Variants in XRN1 observed in about 807,000 individuals in gnomAD.
The protein encoded by XRN1 is 5'-3' exoribonuclease 1.
In XRN1, 67 loss-of-function variants were observed where a neutral mutation model predicts 222.3. That is an observed-to-expected ratio of 0.30 (90% CI 0.25 to 0.37). The LOEUF is 0.37. Ranked by LOEUF, XRN1 falls within the 10% of genes least tolerant of loss-of-function variation. XRN1 has a pLI of 1.00. For synonymous variants in XRN1, 643 were observed against 652.4 expected, an observed-to-expected ratio of 0.99 and a Z score of 0.22; for missense variants, 1,707 against 2,000.2, an observed-to-expected ratio of 0.85 and a Z score of 2.80.
rs1361806360 is a variant in XRN1, at chr3:142,310,001, A to G, written c.*1510T>C. The G allele has an allele frequency of 6.6e-6, 1 of 152,654 alleles. No individual in the cohort carries two copies. The highest frequency in any genetic ancestry group is 1.5e-5 in the Non-Finnish European group (1 of 68,038). 9.5% of individuals were successfully genotyped at this position (152,654 alleles called of 1,614,324 possible). ...TCTGAACTTATGAAAATAACAGAAA[A>G]TAAAATCATGGAAACTTATACGACT... On this transcript the variant is annotated 3_prime_UTR_variant, in exon 41 of 41. Coordinates refer to ENST00000392981, the MANE Select transcript of XRN1 (RefSeq NM_001282857.2).
At position 142,371,252 on chromosome 3, in the gene XRN1, C is replaced by T. The variant is rs1331157991; in HGVS notation, c.3055G>A (p.Glu1019Lys). The stretch of plus-strand genomic sequence containing the variant: ...AATCTTGCTTACCCATTCTCATTTT[C>T]TCCAGGCCAAATGTCATCTTCATAG... Reference protein sequence around the residue: ...VFYEDDIWPGENENGAEKVQE... With the variant: ...VFYEDDIWPGKNENGAEKVQE... The change falls in exon 26 of 41, where the codon GAA (glutamate) becomes AAA (lysine). Residue 1019 changes from glutamate to lysine, a missense_variant. Coordinates refer to ENST00000392981, the MANE Select transcript of XRN1 (RefSeq NM_001282857.2). 3.7e-6 allele frequency: 6 copies of T among 1,612,880 alleles called. No homozygotes were observed. Among genetic ancestry groups the T allele is most frequent in the South Asian group, 1.1e-5 (1 of 90,896 alleles).
At position 142,384,644 on chromosome 3, in the gene XRN1, G is replaced by A; in HGVS notation, c.2381C>T (p.Ala794Val). The change falls in exon 21 of 41, where the codon GCA becomes GTA. Residue 794 changes from alanine (A) to valine (V), a missense_variant. Around this residue, in one of 2 missense-constraint regions of XRN1, gnomAD observed 1,234 missense variants for 1,518.2 expected, o/e 0.81. Transcript: ENST00000392981. Reference protein sequence around the residue: ...RKGIIINETSAVVYAQLLTGR... With the variant: ...RKGIIINETSVVVYAQLLTGR... Reference sequence around the variant, plus strand: ...TGTGAGTAACTGAGCATACACAACTGCAGATGTTTCATTTATTATTATTCC... The same window carrying A: ...TGTGAGTAACTGAGCATACACAACTACAGATGTTTCATTTATTATTATTCC... 6.2e-7 allele frequency: 1 copy of A among 1,602,362 alleles called. No homozygotes were observed. Among genetic ancestry groups the A allele is most frequent in the South Asian group, 1.1e-5 (1 of 88,260 alleles).
intron 22 of XRN1, among the ~76,000 whole-genome samples, chr3:142,382,170 T>C (rs536215117): frequency 3.2e-4 from 49 of 152,142 alleles, no homozygotes; most frequent in African/African-American, 1.2e-3. Context: ...TTGCAGCTAA[T>C]AAATAATCTG....
chr3:142,357,355 C>T (rs1355380612), intron 30 of XRN1, among the ~76,000 whole-genome samples: 1 of 152,062 alleles, frequency 6.6e-6, no homozygotes, highest in African/African-American at 2.4e-5. Context: ...CAACTATGTT[C>T]TAGGGGTGTG....
At chr3:142,313,160 C>T in intron 39 of XRN1, 2 of 1,612,936 alleles carry the variant, frequency 1.2e-6, no homozygotes, top group South Asian at 2.2e-5. Flanking sequence ...TAGTTGCTTC[C>T]ATAGTGATCC....
chr3:142,384,490 T>G (rs781422385), intron 21 of XRN1, 33 bp downstream of exon 21: 2 of 1,573,890 alleles, frequency 1.3e-6, no homozygotes. Context: ...ATAGTGTATA[T>G]TAAGACAGAA....
chr3:142,429,391 AC>A (rs1481431237), intron 2 of XRN1, among the ~76,000 whole-genome samples: 3 of 151,582 alleles, frequency 2.0e-5, no homozygotes, highest in African/African-American at 7.3e-5. Context: ...CTTGTGATCC[AC>A]CCGCCTGGGC....
chr3:142,360,972 G>C (rs1190826561), intron 29 of XRN1, among the ~76,000 whole-genome samples: 2 of 151,724 alleles, frequency 1.3e-5, no homozygotes, highest in African/African-American at 4.8e-5. Flanking sequence ...AAGTTAATGA[G>C]TTTTAACATA....
chr3:142,412,304 C>T (rs555237015), intron 15 of XRN1, among the ~76,000 whole-genome samples: 5 of 152,254 alleles, frequency 3.3e-5, no homozygotes, highest in African/African-American at 9.6e-5. Context: ...TATAAAATAT[C>T]TCTTTATCTC....
intron 18 of XRN1, 88 bp downstream of exon 18, chr3:142,403,586 A>G: frequency 8.1e-7 from 1 of 1,237,192 alleles, no homozygotes; most frequent in Non-Finnish European, 1.2e-6. Context: ...GAGTTACAAC[A>G]TATAATACCT....
chr3:142,339,898 T>C (rs530640057), intron 33 of XRN1, among the ~76,000 whole-genome samples: 9 of 152,160 alleles, frequency 5.9e-5, no homozygotes, highest in Non-Finnish European at 1.3e-4. Flanking sequence ...AGAATCAGAA[T>C]TCTATCAGAT....
At chr3:142,358,661 T>G (rs778468812) in intron 30 of XRN1, among the ~76,000 whole-genome samples, 5 of 152,148 alleles carry the variant, frequency 3.3e-5, no homozygotes, top group African/African-American at 1.2e-4. Context: ...TCAAAGGTAT[T>G]GGTAATCAAA....
At chr3:142,360,559 T>A (rs10935462) in intron 29 of XRN1, among the ~76,000 whole-genome samples, 62,009 of 148,948 alleles carry the variant, frequency 0.42, 12,739 homozygotes, top group Middle Eastern at 0.5. Flanking sequence ...TGTACTTTTT[T>A]AAAAAAAAAA....
At chr3:142,400,671 T>G in intron 18 of XRN1, 124 bp from the exon 19 acceptor site, 1 of 655,424 alleles carries the variant, frequency 1.5e-6, no homozygotes. Context: ...TGGGGCCGGG[T>G]GCAGTGACTC....
At position 142,332,397 on chromosome 3, in the gene XRN1, C is replaced by A; in HGVS notation, c.4200G>T (p.Gln1400His). ...NRRDEYGLPS[Q>H]PKQNKKLASY... ...TACCTAATTTCTTATTTTGTTTAGGCTGAGAGGGTAATCCATATTCATCTC... is the reference window on the plus strand; with the variant it reads ...TACCTAATTTCTTATTTTGTTTAGGATGAGAGGGTAATCCATATTCATCTC... Residue 1400 changes from glutamine to histidine, a missense_variant, in exon 36 of 41, where the codon CAG becomes CAT. This residue lies in a region of XRN1 where 473 missense variants were observed against 482.0 expected (regional missense o/e 0.98). Coordinates refer to ENST00000392981, the MANE Select transcript of XRN1 (RefSeq NM_001282857.2). The A allele has an allele frequency of 6.2e-7, 1 of 1,607,614 alleles. No individual in the cohort carries two copies. The highest frequency in any genetic ancestry group is 1.1e-5 in the South Asian group (1 of 90,378).
chr3:142,431,877 A>ATAATATAATATATTGTATATAT (rs2069565567), intron 2 of XRN1, among the ~76,000 whole-genome samples: 9 of 47,298 alleles, frequency 1.9e-4, no homozygotes, highest in African/African-American at 1.1e-3. Context: ...ATATTATATT[A>ATAATATAATATATTGTATATAT]TATATATTAT....
chr3:142,371,463 T>C, intron 25 of XRN1, 135 bp from the exon 26 acceptor site: 1 of 665,430 alleles, frequency 1.5e-6, no homozygotes, highest in South Asian at 2.2e-5. Flanking sequence ...TAAGGGATAT[T>C]ATTAAAAGTG....
intron 13 of XRN1, among the ~76,000 whole-genome samples, chr3:142,415,327 A>G (rs2068742095): frequency 6.8e-6 from 1 of 148,078 alleles, no homozygotes; most frequent in South Asian, 2.1e-4. Context: ...TATGGCGTAC[A>G]TTTCAAAAAA....
At chr3:142,446,567 CT>C (rs1056649514) in intron 1 of XRN1, among the ~76,000 whole-genome samples, 1 of 152,148 alleles carries the variant, frequency 6.6e-6, no homozygotes, top group Admixed American at 6.5e-5. Context: ...AAAAATATTA[CT>C]GAACAAATTA....
Sources: allele counts gnomAD v4.1 joint callset (sites outside exome capture counted in the v4.1 genomes callset), GRCh38; gene constraint gnomAD v4.1.1; regional missense constraint gnomAD v4.1.1; transcripts MANE v1.5; gene names NCBI Gene and HGNC (gene_info 2026-07-23, HGNC 2026-07-21).